Variants in ZNF184 observed in about 807,000 individuals in gnomAD.
ZNF184 encodes the protein zinc finger protein 184 (Kruppel-like).
A neutral mutation model predicts 54.4 loss-of-function variants in ZNF184; 16 were observed. The ratio of observed to expected loss-of-function variants is 0.29; its 90% CI spans 0.20 to 0.45. The LOEUF (loss-of-function observed/expected upper bound fraction) is 0.45. Among genes scored for constraint, ZNF184 ranks in the 20% least tolerant of loss-of-function variants. The pLI, the probability that ZNF184 is intolerant of heterozygous loss-of-function variation, is 1.00. For synonymous variants in ZNF184, 254 were observed against 295.3 expected, an observed-to-expected ratio of 0.86 and a Z score of 1.43; for missense variants, 681 against 888.2, an observed-to-expected ratio of 0.77 and a Z score of 2.97.
At chr6:27,470,307 G>C (rs1049727869) in intron 2 of ZNF184, among the ~76,000 whole-genome samples, 1 of 152,140 alleles carries the variant, frequency 6.6e-6, no homozygotes, top group African/African-American at 2.4e-5. Context: ...CACCATGCTG[G>C]CAACAGTGTG....
At chr6:27,434,954 A>G in the ZNF184 span, among the ~76,000 whole-genome samples, 1 of 152,212 alleles carries the variant, frequency 6.6e-6, no homozygotes, top group South Asian at 2.1e-4. Context: ...CTCTTGTTGA[A>G]TATCAATTGG....
In ZNF184 at chr6:27,472,148, A is replaced by C; in HGVS notation, c.7+140T>G. ...AAAACAGAATCTCTCCCTACAATGTAATTCGGTTTCTTTGCTAATCCCTAA... is the reference window on the plus strand; with the variant it reads ...AAAACAGAATCTCTCCCTACAATGTCATTCGGTTTCTTTGCTAATCCCTAA... On this transcript the variant is annotated intron_variant, in intron 2 of 5. Coordinates refer to ENST00000683788, the MANE Select transcript of ZNF184 (RefSeq NM_001318891.2). This position sits in a 1 kb window ranked among gnomAD's most constrained non-coding sequence, Gnocchi z 4.8. The C allele has an allele frequency of 9.4e-7, 1 of 1,062,450 alleles. No homozygotes were observed. The highest frequency in any genetic ancestry group is 1.4e-6 in the Non-Finnish European group (1 of 737,736). The allele number at this position is 1,062,450 out of a possible 1,614,324, so 65.8% of individuals were successfully genotyped here. A position where few individuals can be genotyped will look rare whatever the true frequency, so the allele number is the denominator to read the frequency against.
At chr6:27,411,366 G>A in the ZNF184 span, among the ~76,000 whole-genome samples, 14 of 152,102 alleles carry the variant, frequency 9.2e-5, no homozygotes, top group Non-Finnish European at 2.1e-4. Context: ...GGGATGTTCC[G>A]AAAGCAAACA....
chr6:27,417,934 A>C, the ZNF184 span, among the ~76,000 whole-genome samples: 3 of 152,210 alleles, frequency 2.0e-5, no homozygotes, highest in Non-Finnish European at 4.4e-5. Context: ...CACTAGTGTC[A>C]TATGGACAGG....
the ZNF184 span, among the ~76,000 whole-genome samples, chr6:27,416,189 A>T: frequency 6.6e-6 from 1 of 152,166 alleles, no homozygotes; most frequent in African/African-American, 2.4e-5. Context: ...TTTGGGGAGG[A>T]CACAATAAAA....
chr6:27,449,204 A>C (rs942281090), downstream of ZNF184, among the ~76,000 whole-genome samples: 1 of 152,224 alleles, frequency 6.6e-6, no homozygotes, highest in South Asian at 2.1e-4. Context: ...GAAAATGCTT[A>C]GTCTCTATAT....
the ZNF184 span, among the ~76,000 whole-genome samples, chr6:27,411,161 A>G: frequency 6.6e-6 from 1 of 152,148 alleles, no homozygotes; most frequent in Non-Finnish European, 1.5e-5. Flanking sequence ...TTGTTGCACA[A>G]CCTCCAGAGG....
downstream of ZNF184, among the ~76,000 whole-genome samples, chr6:27,446,210 C>G (rs1762635596): frequency 6.6e-6 from 1 of 152,144 alleles, no homozygotes; most frequent in African/African-American, 2.4e-5. Flanking sequence ...TTTCAAAGAT[C>G]TTCAAGTCTG....
chr6:27,423,528 A>C, the ZNF184 span, among the ~76,000 whole-genome samples: 1 of 152,130 alleles, frequency 6.6e-6, no homozygotes, highest in Admixed American at 6.5e-5. Context: ...AGCCCATCAA[A>C]GGCGGCTTGA....
chr6:27,440,725 C>G, the ZNF184 span, among the ~76,000 whole-genome samples: 8 of 152,080 alleles, frequency 5.3e-5, no homozygotes, highest in South Asian at 1.7e-3. Context: ...AGGTGCAGGC[C>G]GGGCACGGTG....
the ZNF184 span, among the ~76,000 whole-genome samples, chr6:27,442,697 GA>G: frequency 3.1e-5 from 4 of 128,950 alleles, no homozygotes; most frequent in Non-Finnish European, 4.8e-5. Context: ...AAGAGAGAGA[GA>G]AACAGAGAGA....
intron 3 of ZNF184, among the ~76,000 whole-genome samples, chr6:27,463,763 G>T (rs1763058092): frequency 6.6e-6 from 1 of 152,024 alleles, no homozygotes; most frequent in Non-Finnish European, 1.5e-5. Context: ...AATGGACACT[G>T]GAGCAATATC....
chr6:27,470,962 A>G (rs7741031), intron 2 of ZNF184, among the ~76,000 whole-genome samples: 99,052 of 151,992 alleles, frequency 0.65, 32,588 homozygotes, highest in Middle Eastern at 0.76. Context: ...AAATTGAAGA[A>G]AAGTATGGAC....
chr6:27,422,146 A>G, the ZNF184 span, among the ~76,000 whole-genome samples: 1 of 67,000 alleles, frequency 1.5e-5, no homozygotes, highest in Non-Finnish European at 3.1e-5. Context: ...ACCTCAAAAA[A>G]AAAAAGAAAG....
At chr6:27,465,594 T>C (rs1287625371) in intron 3 of ZNF184, among the ~76,000 whole-genome samples, 1 of 141,442 alleles carries the variant, frequency 7.1e-6, no homozygotes, top group Non-Finnish European at 1.5e-5. Context: ...TATATAAAAA[T>C]ATATACCATA....
At chr6:27,414,927 C>T in the ZNF184 span, among the ~76,000 whole-genome samples, 53 of 152,212 alleles carry the variant, frequency 3.5e-4, no homozygotes, top group African/African-American at 1.2e-3. Context: ...CATGGGCTCA[C>T]GCCTCATGAT....
At chr6:27,411,347 C>T in the ZNF184 span, among the ~76,000 whole-genome samples, 1 of 152,088 alleles carries the variant, frequency 6.6e-6, no homozygotes, top group African/African-American at 2.4e-5. Context: ...TTTCAATATA[C>T]GAATTTTGGG....
chr6:27,431,636 A>G, the ZNF184 span, among the ~76,000 whole-genome samples: 1 of 152,218 alleles, frequency 6.6e-6, no homozygotes. Context: ...AACAGGAAGC[A>G]TAAGTAACAG....
At chr6:27,417,947 C>G in the ZNF184 span, among the ~76,000 whole-genome samples, 3 of 152,176 alleles carry the variant, frequency 2.0e-5, no homozygotes, top group Non-Finnish European at 4.4e-5. Flanking sequence ...TGGACAGGGG[C>G]TGACCAACTA....
Sources: allele counts gnomAD v4.1 joint callset (sites outside exome capture counted in the v4.1 genomes callset), GRCh38; gene constraint gnomAD v4.1.1; non-coding constraint Gnocchi (gnomAD v3.1); transcripts MANE v1.5; gene names NCBI Gene and HGNC (gene_info 2026-07-23, HGNC 2026-07-21).